Variants in ASL observed in about 807,000 individuals in gnomAD.
ASL encodes argininosuccinase.
In ASL, 51 loss-of-function variants were observed where a neutral mutation model predicts 69.1. That is an observed-to-expected ratio of 0.74 (90% CI 0.59 to 0.93). The LOEUF is 0.93. Ranked by LOEUF, ASL falls within the 40% of genes least tolerant of loss-of-function variation. The pLI, the probability that ASL is intolerant of heterozygous loss-of-function variation, is 0.00. For synonymous variants in ASL, 241 were observed against 247.6 expected (o/e 0.97, Z 0.25); for missense variants, 540 against 623.9 (o/e 0.87, Z 1.43).
chr7:66,088,670 G>A (rs868366616), intron 10 of ASL, 137 bp from the exon 11 acceptor site: 2 of 745,330 alleles, frequency 2.7e-6, no homozygotes, highest in Non-Finnish European at 4.8e-6. Context: ...CAGCTTGGGC[G>A]ACATAGCACG....
At chr7:66,092,401 A>G (rs1786873153) in intron 15 of ASL, among the ~76,000 whole-genome samples, 156 bp from the exon 16 acceptor site, 2 of 148,772 alleles carry the variant, frequency 1.3e-5, no homozygotes, top group African/African-American at 5.0e-5. Context: ...GTTTGCGGTG[A>G]GGTGAGATCG....
rs777632581 is a variant in ASL at position 66,092,104 on chromosome 7, A to G, written c.1143+18A>G. ...GCAAAGGGGTAAGTGTGTAGCAGCC[A>G]GGGGGAGGGTGAGGAGATGGGGTGC... On this transcript the variant is annotated intron_variant, in intron 15 of 16. Transcript: ENST00000304874. 7 of 1,608,702 alleles carry G rather than the reference A, an allele frequency of 4.4e-6. No homozygotes were observed. The highest frequency in any genetic ancestry group is 5.9e-6 in the Non-Finnish European group (7 of 1,179,818).
At chr7:66,086,454 G>T (rs1225318916) in intron 6 of ASL, 131 bp from the exon 7 acceptor site, 4 of 958,180 alleles carry the variant, frequency 4.2e-6, no homozygotes, top group African/African-American at 1.6e-5. Flanking sequence ...GAGATCACCA[G>T]ATCCCTCATT....
rs531079178 is a variant in ASL, at chr7:66,084,829, C to T, written c.446+1655C>T. Among the ~76,000 whole-genome samples, 215 of 152,266 alleles carry T rather than the reference C, an allele frequency of 1.4e-3. 2 individuals are homozygous for T. Among genetic ancestry groups the T allele is most frequent in the Admixed American group, 4.0e-3 (61 of 15,272 alleles). ...AGAGACGGGGTTTCACCATGTTAGC[C>T]AGGATGGTCTCAATCTCCCGACCTC... On this transcript the variant is annotated intron_variant, in intron 6 of 16. Coordinates refer to ENST00000304874, the MANE Select transcript of ASL (RefSeq NM_000048.4).
rs371927473 is a variant in ASL, at chr7:66,088,829, G to A, written c.741G>A (p.Ser247=). Residue 247 remains serine, a synonymous_variant, in exon 11 of 17, where the codon TCG becomes TCA. Transcript: ENST00000304874. ...CAGCCGAGTTCCTGTTCTGGGCTTC[G>A]CTGTGCATGACCCATCTCAGCAGGA... The part of the protein sequence containing the change: ...DFVAEFLFWA[S]LCMTHLSRMA... The A allele has an allele frequency of 1.2e-6, 2 of 1,613,840 alleles. No individual in the cohort carries two copies. The highest frequency in any genetic ancestry group is 1.7e-5 in the Admixed American group (1 of 59,976).
At position 66,082,242 on chromosome 7, in the gene ASL, G is replaced by C. The variant is rs945199025; in HGVS notation, c.208-126G>C. 14 of 1,138,354 alleles carry C rather than the reference G, an allele frequency of 1.2e-5. No individual in the cohort carries two copies. The East Asian group carries it at 2.6e-4, about 21-fold the overall frequency. 70.5% of individuals were successfully genotyped at this position (1,138,354 alleles called of 1,614,324 possible). A position where few individuals can be genotyped will look rare whatever the true frequency, so the allele number is the denominator to read the frequency against. On this transcript the variant is annotated intron_variant, in intron 3 of 16. Transcript: ENST00000304874. ...CCTGAGATGCCCCCTCCCAGGGTGC[G>C]CTTCCAGGACTCAGCTCCTGGGCAG...
At chr7:66,077,736 GA>G (rs1455188905) in intron 2 of ASL, among the ~76,000 whole-genome samples, 3 of 151,530 alleles carry the variant, frequency 2.0e-5, no homozygotes, top group Non-Finnish European at 2.9e-5. Context: ...CTCAAAAAAA[GA>G]AAAAAAACCC....
At chr7:66,084,821 A>G (rs1273263387) in intron 6 of ASL, among the ~76,000 whole-genome samples, 1 of 152,072 alleles carries the variant, frequency 6.6e-6, no homozygotes, top group Non-Finnish European at 1.5e-5. Context: ...GGGTTTCACC[A>G]TGTTAGCCAG....
chr7:66,079,954 G>T (rs146118216), intron 2 of ASL, among the ~76,000 whole-genome samples: 160 of 151,966 alleles, frequency 1.1e-3, no homozygotes, highest in African/African-American at 3.5e-3. Flanking sequence ...GTGTGGTGGC[G>T]CATGCTTGTA....
chr7:66,092,128 GCC>G, intron 15 of ASL, 42 bp downstream of exon 15: 2 of 1,594,476 alleles, frequency 1.3e-6, no homozygotes. Context: ...GAGATGGGGT[GCC>G]CCCCCCAGAG....
intron 2 of ASL, among the ~76,000 whole-genome samples, chr7:66,077,108 A>C (rs1333098095): frequency 3.3e-5 from 5 of 152,152 alleles, no homozygotes; most frequent in Non-Finnish European, 7.4e-5. Flanking sequence ...ACATATGTGA[A>C]ATCCCTAGCA....
chr7:66,080,385 C>CAAAAAAAAAA (rs138360695), intron 2 of ASL, among the ~76,000 whole-genome samples: 3 of 61,346 alleles, frequency 4.9e-5, no homozygotes, highest in Non-Finnish European at 8.4e-5. Context: ...GACTCCATCT[C>CAAAAAAAAAA]AAAAAAAAAA....
intron 2 of ASL, among the ~76,000 whole-genome samples, chr7:66,080,302 C>T (rs1390282413): frequency 5.9e-5 from 8 of 135,830 alleles, no homozygotes; most frequent in African/African-American, 1.7e-4. Flanking sequence ...AGGAGAATGG[C>T]GTGAATCTGG....
Position 66,093,071 on chromosome 7 carries a change from C to T in ASL, c.*159C>T. ...GGCAGGGTGGCCTGTAATCCCAGCA[C>T]TTTGGAAGGGCAAGGTGCGAGGATG... On this transcript the variant is annotated 3_prime_UTR_variant, in exon 17 of 17. Transcript: ENST00000304874. 11 of 1,246,020 alleles carry T rather than the reference C, an allele frequency of 8.8e-6. No individual in the cohort carries two copies. Among genetic ancestry groups the T allele is most frequent in the Non-Finnish European group, 1.2e-5 (11 of 894,480 alleles). The allele number at this position is 1,246,020 out of a possible 1,614,324, so 77.2% of individuals were successfully genotyped here.
intron 8 of ASL, chr7:66,087,030 T>C (rs1786685395): frequency 1.4e-6 from 1 of 693,394 alleles, no homozygotes; most frequent in Non-Finnish European, 2.4e-6. Context: ...GCAAGGCTCC[T>C]GGCAAGCCCA....
intron 12 of ASL, 32 bp from the exon 13 acceptor site, chr7:66,089,244 G>T: frequency 6.2e-7 from 1 of 1,611,400 alleles, no homozygotes; most frequent in Non-Finnish European, 8.5e-7. Context: ...CAGGATCCCG[G>T]GTCCAGCCCC....
rs1470914832 is a variant in ASL, at chr7:66,093,551, A to T, written c.*639A>T. ...ACAGGAAGACTCCAACTACCATATT[A>T]AAAAAAACATGAATGAAAGCAAAAA... On this transcript the variant is annotated 3_prime_UTR_variant, in exon 17 of 17. Transcript: ENST00000304874. 6.4e-6 allele frequency: 1 copy of T among 155,784 alleles called. No homozygotes were observed. Among genetic ancestry groups the T allele is most frequent in the Non-Finnish European group, 1.4e-5 (1 of 70,426 alleles). The allele number at this position is 155,784 out of a possible 1,614,324, so 9.7% of individuals were successfully genotyped here.
chr7:66,087,333 G>A lies in ASL; in HGVS notation c.603-1G>A. The A allele has an allele frequency of 2.5e-6, 4 of 1,604,392 alleles. No homozygotes were observed. Among genetic ancestry groups the A allele is most frequent in the Non-Finnish European group, 3.4e-6 (4 of 1,179,866 alleles). The stretch of plus-strand genomic sequence containing the variant: ...GTCACCATGAATCCCTGTCCCTGCA[G>A]TGGGGCCATTGCAGGCAATCCCCTG... On this transcript the variant is annotated splice_acceptor_variant, in intron 8 of 16. Transcript: ENST00000304874. LOFTEE classifies it high-confidence loss of function.
chr7:66,082,994 G>T lies in ASL; in HGVS notation c.348+58G>T, dbSNP rs774174603. 13 of 1,611,346 alleles carry T rather than the reference G, an allele frequency of 8.1e-6. No homozygotes were observed. The Admixed American group carries it at 2.2e-4, about 27-fold the overall frequency. ...TGTCCCAACCTTGAGGAGCCCAGGG[G>T]GCAGTTAGAGTTCTGCAGCGGTCCT... On this transcript the variant is annotated intron_variant, in intron 5 of 16. Coordinates refer to ENST00000304874, the MANE Select transcript of ASL (RefSeq NM_000048.4).
Sources: allele counts gnomAD v4.1 joint callset (sites outside exome capture counted in the v4.1 genomes callset), GRCh38; gene constraint gnomAD v4.1.1; transcripts MANE v1.5; gene names NCBI Gene and HGNC (gene_info 2026-07-23, HGNC 2026-07-21).